The following MGST2 variants were observed in gnomAD, a reference collection of about 807,000 sequenced individuals.
The protein encoded by MGST2 is microsomal glutathione S-transferase 2.
Under a neutral mutation model 16.6 loss-of-function variants are expected in MGST2, and 9 were observed. The observed-to-expected ratio is 0.54, with a 90% confidence interval of 0.33 to 0.95. The LOEUF (loss-of-function observed/expected upper bound fraction) is 0.95. Ranked by LOEUF, MGST2 falls within the 40% of genes least tolerant of loss-of-function variation. MGST2 has a pLI of 0.03. For missense variants in MGST2, 159 were observed against 175.1 expected, an observed-to-expected ratio of 0.91 and a Z score of 0.52; for synonymous variants, 79 against 68.0, an observed-to-expected ratio of 1.16 and a Z score of -0.79.
At chr4:139,671,146 C>T (rs1157922516) in intron 1 of MGST2, among the ~76,000 whole-genome samples, 1 of 152,068 alleles carries the variant, frequency 6.6e-6, no homozygotes, top group Non-Finnish European at 1.5e-5. Context: ...GGCAGTTGTG[C>T]CTAAACTCCA....
At chr4:139,672,274 C>T (rs1730735272) in intron 1 of MGST2, among the ~76,000 whole-genome samples, 5 of 152,230 alleles carry the variant, frequency 3.3e-5, no homozygotes. Context: ...ACATACCTTT[C>T]ATTATTTCCA....
At chr4:139,697,715 A>G (rs1727006363) in intron 3 of MGST2, among the ~76,000 whole-genome samples, 1 of 152,240 alleles carries the variant, frequency 6.6e-6, no homozygotes, top group Non-Finnish European at 1.5e-5. Flanking sequence ...AGGACAACTC[A>G]GTTAGAAAAG....
chr4:139,720,197 G>A (rs1404341092), intron 5 of MGST2: 1 of 1,613,938 alleles, frequency 6.2e-7, no homozygotes, highest in African/African-American at 1.3e-5. Flanking sequence ...AGCTGCGGTG[G>A]CCATCGTCCC....
Position 139,672,470 on chromosome 4 carries a change from G to T in MGST2, c.59-6073G>T, listed in dbSNP as rs528301770. On this transcript the variant is annotated intron_variant, in intron 1 of 4. Coordinates refer to ENST00000265498, the MANE Select transcript of MGST2 (RefSeq NM_002413.5). ...ATTGATGCTGCCCTGGAGGGATGGA[G>T]CCCAGGGTTGGAGACAGTCAGGGCC... Among the ~76,000 whole-genome samples, 4 of 152,220 alleles carry T rather than the reference G, an allele frequency of 2.6e-5. No individual in the cohort carries two copies. The East Asian group carries it at 7.7e-4, about 29-fold the overall frequency.
chr4:139,713,475 G>GA (rs869071752), intron 5 of MGST2, among the ~76,000 whole-genome samples: 2 of 40,142 alleles, frequency 5.0e-5, no homozygotes, highest in African/African-American at 2.4e-4. Flanking sequence ...TGGCAAGACA[G>GA]AAAAAAAAAA....
chr4:139,683,287 A>G (rs918366975), intron 2 of MGST2, among the ~76,000 whole-genome samples: 1 of 152,140 alleles, frequency 6.6e-6, no homozygotes, highest in African/African-American at 2.4e-5. Context: ...GACTCATAGA[A>G]TTTTCTGACA....
chr4:139,713,826 T>C (rs571204033), intron 5 of MGST2, among the ~76,000 whole-genome samples: 52 of 152,260 alleles, frequency 3.4e-4, no homozygotes, highest in Non-Finnish European at 6.5e-4. Context: ...AAACCAGAAA[T>C]GGTAGGCGGG....
chr4:139,710,649 GTGT>G (rs1727701159), intron 5 of MGST2, among the ~76,000 whole-genome samples: 1 of 152,106 alleles, frequency 6.6e-6, no homozygotes, highest in Non-Finnish European at 1.5e-5. Context: ...TTCCTACATG[GTGT>G]TATTTGCCAA....
chr4:139,736,797 G>C (rs781266744), intron 5 of MGST2, among the ~76,000 whole-genome samples: 28 of 152,150 alleles, frequency 1.8e-4, no homozygotes, highest in Non-Finnish European at 3.8e-4. Flanking sequence ...AGGTGGTTAC[G>C]ATGTCCCATA....
chr4:139,725,344 A>G (rs917233178), intron 5 of MGST2, among the ~76,000 whole-genome samples: 1 of 152,224 alleles, frequency 6.6e-6, no homozygotes, highest in African/African-American at 2.4e-5. Context: ...GATGTGGCAC[A>G]AGATTTTTGC....
At chr4:139,723,065 C>G (rs1728301998) in intron 5 of MGST2, among the ~76,000 whole-genome samples, 1 of 152,222 alleles carries the variant, frequency 6.6e-6, no homozygotes, top group South Asian at 2.1e-4. Context: ...TCTCTCACCT[C>G]CAAAGAAAAT....
At chr4:139,695,433 C>G (rs1309444575) in intron 3 of MGST2, among the ~76,000 whole-genome samples, 166 bp downstream of exon 3, 2 of 152,084 alleles carry the variant, frequency 1.3e-5, no homozygotes, top group African/African-American at 4.8e-5. Context: ...ACCAGCCTGG[C>G]CAAAATGGTG....
intron 5 of MGST2, chr4:139,730,563 G>T (rs1366316496): frequency 1.3e-6 from 2 of 1,594,460 alleles, no homozygotes; most frequent in Non-Finnish European, 8.5e-7. Flanking sequence ...TGCCCAGGAA[G>T]CCGGGGCCTG....
intron 5 of MGST2, chr4:139,716,837 C>T (rs1727988213): frequency 6.6e-6 from 1 of 152,486 alleles, no homozygotes; most frequent in South Asian, 2.1e-4. Flanking sequence ...TTTCAGCGTT[C>T]TGTACATTTC....
intron 5 of MGST2, among the ~76,000 whole-genome samples, chr4:139,731,711 G>A (rs183510653): frequency 6.6e-6 from 1 of 152,156 alleles, no homozygotes; most frequent in Non-Finnish European, 1.5e-5. Flanking sequence ...TCAGCCAGTC[G>A]AATGATGGCA....
chr4:139,677,504 ATT>A (rs56082407), intron 1 of MGST2, among the ~76,000 whole-genome samples: 3 of 145,044 alleles, frequency 2.1e-5, no homozygotes, highest in Admixed American at 6.8e-5. Flanking sequence ...GTGAATCTGC[ATT>A]TTTTTTTTTT....
intron 5 of MGST2, among the ~76,000 whole-genome samples, chr4:139,716,136 CTG>C (rs907047428): frequency 2.6e-5 from 4 of 152,286 alleles, no homozygotes; most frequent in Non-Finnish European, 4.4e-5. Context: ...AAAATTATAT[CTG>C]AGTTTGTTCA....
intron 1 of MGST2, among the ~76,000 whole-genome samples, chr4:139,666,838 G>A (rs951662606): frequency 2.6e-5 from 4 of 152,202 alleles, no homozygotes; most frequent in Non-Finnish European, 4.4e-5. Flanking sequence ...GCCGTAGACT[G>A]CTCAGGTTAC....
the MGST2 span, among the ~76,000 whole-genome samples, chr4:139,752,332 C>A: frequency 1.3e-5 from 2 of 152,156 alleles, no homozygotes; most frequent in Non-Finnish European, 2.9e-5. Context: ...GGTATTTAGG[C>A]CTGTGGTTGC....
Sources: gnomAD v4.1 joint callset for allele counts (sites outside exome capture counted in the v4.1 genomes callset) on GRCh38, gnomAD v4.1.1 for gene constraint, MANE v1.5 for transcripts, NCBI Gene and HGNC (gene_info 2026-07-23, HGNC 2026-07-21) for gene names.